Variants in GATA4 observed in about 807,000 individuals in gnomAD.
The protein encoded by GATA4 is transcription factor GATA-4.
A neutral mutation model predicts 37.9 loss-of-function variants in GATA4; 7 were observed. The observed-to-expected ratio is 0.18, with a 90% CI of 0.11 to 0.35. The LOEUF (loss-of-function observed/expected upper bound fraction) is 0.35, where lower values mean the gene tolerates loss of function less well. GATA4 is among the 10% of genes least tolerant of loss of function. The probability of loss-of-function intolerance (pLI) is 1.00; values close to 1 mark genes in which losing one functional copy is unlikely to be tolerated. For synonymous variants in GATA4, 372 were observed against 292.6 expected (o/e 1.27, Z -2.77); for missense variants, 647 against 653.0 (o/e 0.99, Z 0.10).
At chr8:11,755,964 T>C (rs1254335597) in intron 5 of GATA4, among the ~76,000 whole-genome samples, 2 of 150,454 alleles carry the variant, frequency 1.3e-5, no homozygotes, top group Non-Finnish European at 3.0e-5. Flanking sequence ...CTTTTTTAAA[T>C]TTATTTTTAA....
chr8:11,715,074 C>G (rs1362888326), intron 2 of GATA4, among the ~76,000 whole-genome samples: 5 of 152,082 alleles, frequency 3.3e-5, no homozygotes, highest in Non-Finnish European at 7.4e-5. Flanking sequence ...GTGGCACATA[C>G]AAACCATAAG....
intron 2 of GATA4, among the ~76,000 whole-genome samples, chr8:11,722,992 G>A: frequency 6.6e-6 from 1 of 150,632 alleles, no homozygotes; most frequent in Non-Finnish European, 1.5e-5. Flanking sequence ...GAACAAATTA[G>A]TTCTCTAGCA....
intron 1 of GATA4, chr8:11,680,874 A>C: frequency 1.0e-6 from 1 of 985,220 alleles, no homozygotes; most frequent in African/African-American, 1.7e-5. Context: ...ATTTCTTCTC[A>C]GTTGCGACCC....
chr8:11,708,111 A>C lies in GATA4; in HGVS notation c.-202A>C. 1 of 682,308 alleles carries C rather than the reference A, an allele frequency of 1.5e-6. No individual in the cohort carries two copies. Among genetic ancestry groups the C allele is most frequent in the Non-Finnish European group, 2.6e-6 (1 of 385,178 alleles). The allele number at this position is 682,308 out of a possible 1,614,324, so 42.3% of individuals were successfully genotyped here. On this transcript the variant is annotated 5_prime_UTR_variant, in exon 2 of 7. Transcript: ENST00000532059. This position sits in a 1 kb window ranked among gnomAD's most constrained non-coding sequence, Gnocchi z 6.7. ...CAAATTGGGATTTTCCGGAGTAAAC[A>C]AGAGCCTAGAGCCCTTTGCTCAATG...
chr8:11,702,584 G>T (rs1799718828), upstream of GATA4, among the ~76,000 whole-genome samples: 1 of 147,892 alleles, frequency 6.8e-6, no homozygotes, highest in Admixed American at 6.8e-5. The surrounding 1 kb of genome is among the most constrained non-coding windows in gnomAD (Gnocchi z 4.4). Context: ...CTTTTCCGCA[G>T]CGCCGGCCTC....
At position 11,709,053 on chromosome 8, in the gene GATA4, C is replaced by T. The variant is rs1800042776; in HGVS notation, c.616+125C>T. ...GGCTGGGGATGGTGCTTCACTACCT[C>T]GAGTTTCTAGGGAAGGCAGAAGCCA... On this transcript the variant is annotated intron_variant, in intron 2 of 6. Transcript: ENST00000532059. The surrounding 1 kb of genome is among the most constrained non-coding windows in gnomAD (Gnocchi z 4.3). 6 of 1,007,530 alleles carry T rather than the reference C, an allele frequency of 6.0e-6. No individual in the cohort carries two copies. The highest frequency in any genetic ancestry group is 2.0e-5 in the South Asian group (1 of 49,660). The allele number at this position is 1,007,530 out of a possible 1,614,324, so 62.4% of individuals were successfully genotyped here.
intron 6 of GATA4, among the ~76,000 whole-genome samples, chr8:11,757,737 G>T (rs78683030): frequency 6.6e-6 from 1 of 152,220 alleles, no homozygotes; most frequent in Non-Finnish European, 1.5e-5. Flanking sequence ...GGCGGAGGAC[G>T]ATGGCGTCTC....
At position 11,749,013 on chromosome 8, in the gene GATA4, G is replaced by A; in HGVS notation, c.714G>A (p.Leu238=). The A allele has an allele frequency of 6.2e-7, 1 of 1,614,268 alleles. No individual in the cohort carries two copies. The highest frequency in any genetic ancestry group is 8.5e-7 in the Non-Finnish European group (1 of 1,180,046). ...LWRRDGTGHY[L]CNACGLYHKM... ...GGCGAGATGGGACGGGTCACTATCT[G>A]TGCAACGCCTGCGGCCTCTACCACA... The change falls in exon 3 of 7, where the codon CTG becomes CTA. Residue 238 remains leucine (L), a synonymous_variant. Transcript: ENST00000532059. The surrounding 1 kb of genome is among the most constrained non-coding windows in gnomAD (Gnocchi z 4.6).
At chr8:11,697,736 T>G (rs1799547492) in intron 1 of GATA4, 1 of 985,362 alleles carries the variant, frequency 1.0e-6, no homozygotes, top group Non-Finnish European at 1.2e-6. Context: ...CTGTCTCTGC[T>G]CGCCGCGCCA....
intron 2 of GATA4, among the ~76,000 whole-genome samples, chr8:11,744,553 G>C (rs1176218819): frequency 6.6e-6 from 1 of 152,204 alleles, no homozygotes; most frequent in Non-Finnish European, 1.5e-5. Flanking sequence ...TGCTTACCGA[G>C]GTTCATACCA....
upstream of GATA4, chr8:11,700,690 C>T (rs1799646583): frequency 6.6e-6 from 1 of 152,260 alleles, no homozygotes; most frequent in African/African-American, 2.4e-5. Context: ...TCGTTCTGCG[C>T]GGGTCACCTT....
chr8:11,708,636 C>T lies in GATA4; in HGVS notation c.324C>T (p.Phe108=). The change falls in exon 2 of 7, where the codon TTC becomes TTT. Residue 108 remains phenylalanine (F), a synonymous_variant. Transcript: ENST00000532059. The surrounding 1 kb of genome is among the most constrained non-coding windows in gnomAD (Gnocchi z 6.7). The part of the protein sequence containing the change: ...AYTPPPVSPR[F]SFPGTTGSLA... ...CCCCGCCGCCGGTGTCGCCGCGCTT[C>T]TCCTTCCCGGGGACCACCGGGTCCC... The T allele has an allele frequency of 7.5e-7, 1 of 1,338,170 alleles. No homozygotes were observed. The highest frequency in any genetic ancestry group is 9.6e-7 in the Non-Finnish European group (1 of 1,045,734). The allele number at this position is 1,338,170 out of a possible 1,614,324, so 82.9% of individuals were successfully genotyped here.
chr8:11,681,571 C>T (rs990317649), intron 1 of GATA4: 2 of 548,082 alleles, frequency 3.6e-6, no homozygotes, highest in Non-Finnish European at 4.6e-6. Context: ...TATAATTTCT[C>T]CCTCCTCCAC....
At chr8:11,688,230 T>C (rs1009229783), upstream of GATA4, among the ~76,000 whole-genome samples, 8 of 152,246 alleles carry the variant, frequency 5.3e-5, no homozygotes, top group Non-Finnish European at 7.3e-5. Context: ...TTCAAAGCTA[T>C]ACATTTATAA....
chr8:11,712,917 G>C (rs1405655372), intron 2 of GATA4, among the ~76,000 whole-genome samples: 1 of 152,098 alleles, frequency 6.6e-6, no homozygotes, highest in East Asian at 1.9e-4. Context: ...ATGTTGTGTA[G>C]TACCATGAAA....
At chr8:11,679,180 G>GC (rs1446305954) in intron 1 of GATA4, among the ~76,000 whole-genome samples, 2 of 67,942 alleles carry the variant, frequency 2.9e-5, no homozygotes, top group Non-Finnish European at 2.9e-5. Flanking sequence ...GAATAATTGC[G>GC]GGGGGGGGCA....
intron 1 of GATA4, among the ~76,000 whole-genome samples, chr8:11,705,709 A>G (rs1460420333): frequency 6.6e-6 from 1 of 152,230 alleles, no homozygotes; most frequent in Non-Finnish European, 1.5e-5. Flanking sequence ...AGAAAGTTAT[A>G]GAGGAGTATT....
intron 2 of GATA4, among the ~76,000 whole-genome samples, chr8:11,733,435 G>A (rs1056770994): frequency 6.6e-6 from 1 of 152,234 alleles, no homozygotes; most frequent in African/African-American, 2.4e-5. Context: ...CTAAAGCAGT[G>A]ATGTTCATTG....
chr8:11,723,840 T>G (rs1189836388), intron 2 of GATA4, among the ~76,000 whole-genome samples: 3 of 152,258 alleles, frequency 2.0e-5, no homozygotes, highest in Non-Finnish European at 2.9e-5. Context: ...ATGTACCGTT[T>G]TAGCCATTAT....
Sources: gnomAD v4.1 joint callset for allele counts (sites outside exome capture counted in the v4.1 genomes callset) on GRCh38, gnomAD v4.1.1 for gene constraint, Gnocchi (gnomAD v3.1) non-coding constraint, MANE v1.5 for transcripts, NCBI Gene and HGNC (gene_info 2026-07-23, HGNC 2026-07-21) for gene names.